The following CTNND2 variants were observed in gnomAD, a reference collection of about 807,000 sequenced individuals.
CTNND2 encodes the protein catenin delta 2, also known as catenin delta-2.
CTNND2 carries 22 observed loss-of-function variants against 144.4 expected under a neutral mutation model. The ratio of observed to expected loss-of-function variants is 0.15; its 90% CI spans 0.11 to 0.22. CTNND2 has a LOEUF of 0.22. Ranked by LOEUF, CTNND2 falls within the 10% of genes least tolerant of loss-of-function variation. The probability of loss-of-function intolerance (pLI) is 1.00; values close to 1 mark genes in which losing one functional copy is unlikely to be tolerated. For missense variants in CTNND2, 1,353 were observed against 1,618.8 expected, an observed-to-expected ratio of 0.84 and a Z score of 2.82; for synonymous variants, 751 against 695.6, an observed-to-expected ratio of 1.08 and a Z score of -1.25.
intron 1 of CTNND2, among the ~76,000 whole-genome samples, chr5:11,776,808 C>A (rs181578491): frequency 6.6e-5 from 10 of 152,232 alleles, no homozygotes; most frequent in East Asian, 1.9e-4. Context: ...ATGTTGATCA[C>A]CAGAAGATAG....
chr5:11,413,757 C>T (rs1761720403), intron 3 of CTNND2, among the ~76,000 whole-genome samples: 2 of 152,120 alleles, frequency 1.3e-5, no homozygotes, highest in Admixed American at 6.6e-5. Context: ...ATTAATCATC[C>T]ATTATTAATT....
chr5:11,486,899 A>C (rs1411264637), intron 3 of CTNND2, among the ~76,000 whole-genome samples: 1 of 152,180 alleles, frequency 6.6e-6, no homozygotes, highest in African/African-American at 2.4e-5. Flanking sequence ...AATAGTTTGA[A>C]ATATAGTTTA....
intron 2 of CTNND2, among the ~76,000 whole-genome samples, chr5:11,699,717 C>T (rs1488127340): frequency 6.6e-6 from 1 of 152,118 alleles, no homozygotes; most frequent in African/African-American, 2.4e-5. Flanking sequence ...TAAATTCTTG[C>T]CACATAAAAA....
At chr5:11,656,673 A>G (rs1281338018) in intron 2 of CTNND2, among the ~76,000 whole-genome samples, 1 of 152,142 alleles carries the variant, frequency 6.6e-6, no homozygotes, top group Non-Finnish European at 1.5e-5. Context: ...CTCTTATCGC[A>G]GGTGAGTGTT....
chr5:11,199,732 T>C, intron 10 of CTNND2, 71 bp from the exon 11 acceptor site: 2 of 1,123,166 alleles, frequency 1.8e-6, no homozygotes, highest in Non-Finnish European at 2.7e-6. Flanking sequence ...AACATGTTTT[T>C]CATATAAAGT....
At chr5:11,897,009 C>G (rs1455267292) in intron 1 of CTNND2, among the ~76,000 whole-genome samples, 1 of 152,148 alleles carries the variant, frequency 6.6e-6, no homozygotes, top group Non-Finnish European at 1.5e-5. Flanking sequence ...CCTTCCATGT[C>G]CTGGGTTAAT....
intron 7 of CTNND2, among the ~76,000 whole-genome samples, chr5:11,376,308 G>C (rs1247370213): frequency 6.8e-6 from 1 of 146,498 alleles, no homozygotes; most frequent in African/African-American, 2.7e-5. Context: ...AGTGATGAAT[G>C]CCTTTGTGTG....
Position 11,411,895 on chromosome 5 carries a change from T to C in CTNND2, c.322+140A>G, listed in dbSNP as rs968541582. The C allele has an allele frequency of 4.2e-5, 31 of 746,934 alleles. No homozygotes were observed. The African/African-American group carries it at 4.9e-4, about 12-fold the overall frequency. The allele number at this position is 746,934 out of a possible 1,614,324, so 46.3% of individuals were successfully genotyped here. A position where few individuals can be genotyped will look rare whatever the true frequency, so the allele number is the denominator to read the frequency against. On this transcript the variant is annotated intron_variant, in intron 4 of 21. Coordinates refer to ENST00000304623, the MANE Select transcript of CTNND2 (RefSeq NM_001332.4). ...ATTTAACTCTCAATAAATTGTGAAC[T>C]ATCATAACAACTTCATCTAATTTTA... is the stretch of plus-strand genomic sequence containing the variant.
intron 2 of CTNND2, among the ~76,000 whole-genome samples, chr5:11,704,664 T>C (rs895279228): frequency 2.0e-5 from 3 of 151,928 alleles, no homozygotes; most frequent in East Asian, 4.0e-4. Flanking sequence ...ATAAGAGAAA[T>C]GTACTTAAGC....
At chr5:11,605,828 T>C (rs1780015082) in intron 2 of CTNND2, among the ~76,000 whole-genome samples, 1 of 152,146 alleles carries the variant, frequency 6.6e-6, no homozygotes, top group South Asian at 2.1e-4. Context: ...GGAAGAATTC[T>C]AAAGATGTCC....
intron 1 of CTNND2, among the ~76,000 whole-genome samples, chr5:11,879,362 TACACACACACACAA>T (rs1297730407): frequency 5.0e-4 from 68 of 136,998 alleles, no homozygotes; most frequent in Non-Finnish European, 7.8e-4. Flanking sequence ...TATATACATA[TACACACACACACAA>T]ACATATACAT....
At chr5:11,375,884 G>A (rs1410012775) in intron 7 of CTNND2, among the ~76,000 whole-genome samples, 11 of 152,180 alleles carry the variant, frequency 7.2e-5, no homozygotes, top group African/African-American at 1.7e-4. Flanking sequence ...AACAACAAGC[G>A]AACTGACTAC....
intron 1 of CTNND2, among the ~76,000 whole-genome samples, chr5:11,859,563 C>T (rs1005696712): frequency 1.4e-4 from 21 of 152,042 alleles, no homozygotes; most frequent in African/African-American, 5.1e-4. Context: ...TCCTGCTGCC[C>T]ACTACTTGCT....
At chr5:11,070,923 A>G (rs527507822) in intron 16 of CTNND2, among the ~76,000 whole-genome samples, 24 of 151,558 alleles carry the variant, frequency 1.6e-4, no homozygotes, top group Non-Finnish European at 3.1e-4. Context: ...GAGGTCTTAG[A>G]TATAGTGTGT....
At chr5:11,657,480 A>G (rs1302740996) in intron 2 of CTNND2, among the ~76,000 whole-genome samples, 1 of 151,398 alleles carries the variant, frequency 6.6e-6, no homozygotes, top group Non-Finnish European at 1.5e-5. Flanking sequence ...TCCTGCCTTC[A>G]TTTCTTCCTC....
At chr5:11,036,531 C>T (rs1017392416) in intron 16 of CTNND2, among the ~76,000 whole-genome samples, 2 of 152,154 alleles carry the variant, frequency 1.3e-5, no homozygotes, top group African/African-American at 2.4e-5. Context: ...AACAATTCTC[C>T]TGCCTCATCC....
At chr5:11,290,057 A>G (rs1748162326) in intron 9 of CTNND2, among the ~76,000 whole-genome samples, 1 of 152,202 alleles carries the variant, frequency 6.6e-6, no homozygotes, top group South Asian at 2.1e-4. Flanking sequence ...CATTTTCCGG[A>G]AGACAAGGAG....
At chr5:11,231,901 GCTCTGTGCAGC>G (rs1490245715) in intron 10 of CTNND2, among the ~76,000 whole-genome samples, 1 of 152,220 alleles carries the variant, frequency 6.6e-6, no homozygotes, top group African/African-American at 2.4e-5. Context: ...GGGCCTCTCT[GCTCTGTGCAGC>G]CTCAGGACAT....
At chr5:11,765,480 G>C (rs1257577186) in intron 1 of CTNND2, among the ~76,000 whole-genome samples, 2 of 152,182 alleles carry the variant, frequency 1.3e-5, no homozygotes, top group Non-Finnish European at 2.9e-5. Context: ...AGGAAAGCCA[G>C]GCCAGACAAG....
Sources: allele counts gnomAD v4.1 joint callset (sites outside exome capture counted in the v4.1 genomes callset), GRCh38; gene constraint gnomAD v4.1.1; transcripts MANE v1.5; gene names NCBI Gene and HGNC (gene_info 2026-07-23, HGNC 2026-07-21).